LRRC37A2: variants seen among roughly 807,000 people sequenced by gnomAD.
The protein encoded by LRRC37A2 is leucine-rich repeat-containing protein 37A2.
A neutral mutation model predicts 68.8 loss-of-function variants in LRRC37A2; 9 were observed. That is an observed-to-expected ratio of 0.13 (90% confidence interval 0.08 to 0.23). The LOEUF (loss-of-function observed/expected upper bound fraction) is 0.23. Ranked by LOEUF, LRRC37A2 falls within the 10% of genes least tolerant of loss-of-function variation. LRRC37A2 has a pLI of 1.00. For synonymous variants in LRRC37A2, 63 were observed against 367.6 expected (o/e 0.17, Z 9.48); for missense variants, 168 against 950.4 (o/e 0.18, Z 10.82).
At chr17:46,827,813 CTTT>C in the LRRC37A2 span, among the ~76,000 whole-genome samples, 4 of 141,976 alleles carry the variant, frequency 2.8e-5, no homozygotes, top group Non-Finnish European at 1.5e-5. Context: ...AAATTTCTTT[CTTT>C]TTTTTTTTTT....
At chr17:47,033,284 A>T in the LRRC37A2 span, 8 of 692,994 alleles carry the variant, frequency 1.2e-5, no homozygotes, top group South Asian at 1.2e-4. Context: ...TCACCGTTTC[A>T]GATTCTCTAG....
chr17:46,569,233 C>T, the LRRC37A2 span, among the ~76,000 whole-genome samples: 1 of 151,556 alleles, frequency 6.6e-6, no homozygotes, highest in Non-Finnish European at 1.5e-5. Flanking sequence ...CAGGTGTAAG[C>T]CACCACACTC....
At chr17:46,542,814 T>C (rs1477490812) in intron 8 of LRRC37A2, among the ~76,000 whole-genome samples, 1 of 150,646 alleles carries the variant, frequency 6.6e-6, no homozygotes, top group Non-Finnish European at 1.5e-5. Flanking sequence ...GCCCCCACAA[T>C]ATGGCAAGCT....
chr17:47,001,035 C>G, the LRRC37A2 span, among the ~76,000 whole-genome samples: 1 of 152,082 alleles, frequency 6.6e-6, no homozygotes, highest in South Asian at 2.1e-4. Flanking sequence ...ACTTGGGAGA[C>G]TGAGGCAGAA....
At chr17:46,906,046 T>C in the LRRC37A2 span, among the ~76,000 whole-genome samples, 1 of 152,140 alleles carries the variant, frequency 6.6e-6, no homozygotes, top group Admixed American at 6.5e-5. Context: ...GCGCCACCTT[T>C]GTGCTGACCG....
the LRRC37A2 span, among the ~76,000 whole-genome samples, chr17:46,621,170 C>T: frequency 1.4e-5 from 2 of 147,294 alleles, no homozygotes; most frequent in Non-Finnish European, 3.0e-5. Context: ...TATATTCATA[C>T]AGTTAACCTC....
chr17:46,490,592 T>G, the LRRC37A2 span, among the ~76,000 whole-genome samples: 12 of 150,148 alleles, frequency 8.0e-5, 1 homozygote, highest in African/African-American at 3.0e-4. Context: ...GGCGTGGTGG[T>G]AGGCGCCTGT....
At chr17:46,492,004 C>G in the LRRC37A2 span, among the ~76,000 whole-genome samples, 1 of 149,642 alleles carries the variant, frequency 6.7e-6, no homozygotes, top group Non-Finnish European at 1.5e-5. Context: ...GCTCTTGTTG[C>G]CCAGGGTGGA....
At chr17:46,767,823 C>T in the LRRC37A2 span, among the ~76,000 whole-genome samples, 4 of 152,188 alleles carry the variant, frequency 2.6e-5, no homozygotes, top group East Asian at 1.9e-4. Flanking sequence ...CTCACTCTGT[C>T]GCCCAGGCTG....
At chr17:46,605,486 A>G in the LRRC37A2 span, among the ~76,000 whole-genome samples, 1 of 149,308 alleles carries the variant, frequency 6.7e-6, no homozygotes, top group Admixed American at 6.6e-5. Context: ...AAAAGATATT[A>G]CCTTCAACAA....
the LRRC37A2 span, among the ~76,000 whole-genome samples, chr17:46,881,092 C>T: frequency 3.9e-5 from 6 of 152,256 alleles, no homozygotes; most frequent in African/African-American, 1.2e-4. Context: ...CACCAGGATC[C>T]TCCTGGGGGT....
the LRRC37A2 span, among the ~76,000 whole-genome samples, chr17:46,500,570 C>CA: frequency 6.6e-6 from 1 of 150,602 alleles, no homozygotes; most frequent in African/African-American, 2.5e-5. Context: ...CCATAGAAAT[C>CA]ACCTGAAGAT....
At chr17:46,602,571 C>T in the LRRC37A2 span, 2 of 51,606 alleles carry the variant, frequency 3.9e-5, no homozygotes, top group African/African-American at 1.8e-4. Context: ...TTTAAAATCA[C>T]CACATAATAA....
the LRRC37A2 span, among the ~76,000 whole-genome samples, chr17:46,800,019 C>T: frequency 6.6e-6 from 1 of 152,026 alleles, no homozygotes; most frequent in East Asian, 1.9e-4. Context: ...GAGGGGAGTG[C>T]TGTCCCAGAG....
the LRRC37A2 span, among the ~76,000 whole-genome samples, chr17:46,758,224 T>G: frequency 6.6e-6 from 1 of 152,210 alleles, no homozygotes; most frequent in Admixed American, 6.5e-5. Flanking sequence ...TAAACCTTGA[T>G]CCTTAGCATT....
the LRRC37A2 span, among the ~76,000 whole-genome samples, chr17:46,900,623 A>G: frequency 5.3e-5 from 8 of 152,220 alleles, no homozygotes; most frequent in Non-Finnish European, 1.0e-4. Context: ...TTGGAGAAGG[A>G]GCAGCATTTA....
chr17:46,769,894 G>A, the LRRC37A2 span: 1 of 1,613,558 alleles, frequency 6.2e-7, no homozygotes, highest in East Asian at 2.2e-5. Context: ...CAGCGTCCTC[G>A]CTGCAGCCGC....
the LRRC37A2 span, among the ~76,000 whole-genome samples, chr17:46,917,584 G>A: frequency 6.6e-6 from 1 of 152,210 alleles, no homozygotes; most frequent in African/African-American, 2.4e-5. Context: ...ACAGTTCCCA[G>A]GCTGGAGTTG....
chr17:46,785,731 G>A, the LRRC37A2 span, among the ~76,000 whole-genome samples: 138,834 of 152,214 alleles, frequency 0.91, 64,349 homozygotes, highest in East Asian at 1. Flanking sequence ...GTGCGGGCAG[G>A]AGCTCAAAGC....
Sources: gnomAD v4.1 joint callset for allele counts (sites outside exome capture counted in the v4.1 genomes callset) on GRCh38, gnomAD v4.1.1 for gene constraint, MANE v1.5 for transcripts, NCBI Gene and HGNC (gene_info 2026-07-23, HGNC 2026-07-21) for gene names.